STK32B: variants seen among roughly 807,000 people sequenced by gnomAD.
STK32B encodes serine/threonine kinase 32B, also known as serine/threonine-protein kinase 32B.
STK32B carries 43 observed loss-of-function variants against 52.6 expected under a neutral mutation model. That is an observed-to-expected ratio of 0.82 (90% CI 0.64 to 1.05). The LOEUF (loss-of-function observed/expected upper bound fraction) is 1.05, where lower values mean the gene tolerates loss of function less well. Among genes scored for constraint, STK32B ranks in the 50% least tolerant of loss-of-function variants. The probability of loss-of-function intolerance (pLI) is 0.00; values close to 1 mark genes in which losing one functional copy is unlikely to be tolerated. For synonymous variants in STK32B, 238 were observed against 204.3 expected, an observed-to-expected ratio of 1.17 and a Z score of -1.41; for missense variants, 621 against 534.6, an observed-to-expected ratio of 1.16 and a Z score of -1.59.
chr4:5,291,698 G>A (rs1199305924), intron 3 of STK32B, among the ~76,000 whole-genome samples: 2 of 152,096 alleles, frequency 1.3e-5, no homozygotes, highest in African/African-American at 4.8e-5. Flanking sequence ...AGTAGAAGTG[G>A]TGAGAGCTGG....
intron 1 of STK32B, among the ~76,000 whole-genome samples, chr4:5,061,762 C>G (rs995166924): frequency 6.6e-6 from 1 of 152,134 alleles, no homozygotes; most frequent in Non-Finnish European, 1.5e-5. Flanking sequence ...CTTACCAAAG[C>G]CTGGGTGTTT....
chr4:5,384,344 A>C (rs16837076), intron 4 of STK32B, among the ~76,000 whole-genome samples: 40,875 of 151,948 alleles, frequency 0.27, 6,572 homozygotes, highest in African/African-American at 0.46. Flanking sequence ...AGGGTTTGCT[A>C]TTCAGGCAGA....
At chr4:5,482,000 G>C (rs533944257) in intron 11 of STK32B, among the ~76,000 whole-genome samples, 1 of 152,210 alleles carries the variant, frequency 6.6e-6, no homozygotes, top group Admixed American at 6.5e-5. Flanking sequence ...TTGTAGTACA[G>C]TTTGAAGTCA....
At chr4:5,440,232 A>G (rs1714586011) in intron 6 of STK32B, among the ~76,000 whole-genome samples, 1 of 152,202 alleles carries the variant, frequency 6.6e-6, no homozygotes, top group African/African-American at 2.4e-5. Context: ...CTTCCTACCC[A>G]TGAGCATGGA....
intron 3 of STK32B, among the ~76,000 whole-genome samples, chr4:5,203,513 G>C (rs904971823): frequency 7.2e-5 from 11 of 151,864 alleles, no homozygotes; most frequent in African/African-American, 2.7e-4. Flanking sequence ...TGTCTCCCTT[G>C]TAGTGCTGAG....
intron 4 of STK32B, among the ~76,000 whole-genome samples, chr4:5,371,104 A>G (rs914659472): frequency 7.2e-5 from 11 of 152,072 alleles, no homozygotes; most frequent in African/African-American, 2.4e-4. Flanking sequence ...TTTATTCAGG[A>G]CTATTGCAGT....
intron 3 of STK32B, among the ~76,000 whole-genome samples, chr4:5,313,304 G>A (rs182432495): frequency 6.6e-6 from 1 of 152,036 alleles, no homozygotes; most frequent in Admixed American, 6.6e-5. Flanking sequence ...ATCAATTGAT[G>A]CAGAGAGAGC....
intron 4 of STK32B, among the ~76,000 whole-genome samples, chr4:5,388,311 A>AG (rs1477184569): frequency 1.3e-5 from 2 of 152,180 alleles, no homozygotes; most frequent in African/African-American, 4.8e-5. Flanking sequence ...GGATGGGTGC[A>AG]GGGGATGGGA....
chr4:5,112,154 A>G (rs528038582), intron 1 of STK32B, among the ~76,000 whole-genome samples: 1 of 152,290 alleles, frequency 6.6e-6, no homozygotes, highest in Non-Finnish European at 1.5e-5. Flanking sequence ...AGAATGCCCT[A>G]CAGCAAAGAG....
chr4:5,164,810 C>T (rs1718743449), intron 2 of STK32B, among the ~76,000 whole-genome samples: 1 of 152,200 alleles, frequency 6.6e-6, no homozygotes. Context: ...TCTGTGACTC[C>T]CTGGAAGACC....
At chr4:5,251,446 T>G (rs75517607) in intron 3 of STK32B, among the ~76,000 whole-genome samples, 139 of 152,320 alleles carry the variant, frequency 9.1e-4, no homozygotes, top group African/African-American at 3.3e-3. Flanking sequence ...GATCTGGTAT[T>G]TTTGTACCAG....
At chr4:5,220,345 G>T (rs768474931) in intron 3 of STK32B, among the ~76,000 whole-genome samples, 4 of 152,180 alleles carry the variant, frequency 2.6e-5, no homozygotes, top group Admixed American at 6.5e-5. Flanking sequence ...CAGTACTTTT[G>T]TGATGATTGG....
At chr4:5,228,838 G>A (rs1724048569) in intron 3 of STK32B, among the ~76,000 whole-genome samples, 1 of 152,098 alleles carries the variant, frequency 6.6e-6, no homozygotes, top group Non-Finnish European at 1.5e-5. Flanking sequence ...ATGGTGGTGG[G>A]TGCCTGTAAT....
chr4:5,362,337 C>G (rs534834590), intron 4 of STK32B, among the ~76,000 whole-genome samples: 10 of 152,300 alleles, frequency 6.6e-5, no homozygotes, highest in African/African-American at 2.4e-4. Context: ...TGCCCCAATT[C>G]TTCCTCTCCC....
intron 4 of STK32B, among the ~76,000 whole-genome samples, chr4:5,375,668 CTT>C (rs1172250764): frequency 6.6e-6 from 1 of 152,186 alleles, no homozygotes; most frequent in Non-Finnish European, 1.5e-5. Flanking sequence ...TCTTTGCTGC[CTT>C]TGTTTCTGTT....
rs1269534839 is a variant in STK32B at position 5,436,213 on chromosome 4, A to G, written c.563-10460A>G. Among the ~76,000 whole-genome samples the G allele has an allele frequency of 2.0e-5, 3 of 152,250 alleles. No individual in the cohort carries two copies. The South Asian group carries it at 6.2e-4, about 32-fold the overall frequency. On this transcript the variant is annotated intron_variant, in intron 6 of 11. Transcript: ENST00000282908. ...CCAGGATCAAGTCAAATACATTTCC[A>G]AGCCATGCCTGCTACTGAGTTGGGC...
chr4:5,073,811 T>G (rs1245397232), intron 1 of STK32B, among the ~76,000 whole-genome samples: 1 of 152,096 alleles, frequency 6.6e-6, no homozygotes, highest in Non-Finnish European at 1.5e-5. Flanking sequence ...ATTATCTCCT[T>G]GACTTTGTTT....
At chr4:5,283,360 A>G (rs1728332297) in intron 3 of STK32B, among the ~76,000 whole-genome samples, 1 of 152,190 alleles carries the variant, frequency 6.6e-6, no homozygotes, top group African/African-American at 2.4e-5. Flanking sequence ...CATGGGAATT[A>G]TGAGACACCA....
the STK32B span, among the ~76,000 whole-genome samples, chr4:5,020,855 T>C: frequency 6.6e-6 from 1 of 152,230 alleles, no homozygotes; most frequent in African/African-American, 2.4e-5. Context: ...AATGGGGTTA[T>C]TCCCAATTCC....
Sources: gnomAD v4.1 joint callset for allele counts (sites outside exome capture counted in the v4.1 genomes callset) on GRCh38, gnomAD v4.1.1 for gene constraint, MANE v1.5 for transcripts, NCBI Gene and HGNC (gene_info 2026-07-23, HGNC 2026-07-21) for gene names.